ABHD18: variants seen among roughly 807,000 people sequenced by gnomAD.
The protein encoded by ABHD18 is cardiolipin-specific deacylase, mitochondrial.
In ABHD18, 55 loss-of-function variants were observed where a neutral mutation model predicts 65.9. The observed-to-expected ratio is 0.84, with a 90% CI of 0.67 to 1.05. The LOEUF (loss-of-function observed/expected upper bound fraction) is 1.05. Ranked by LOEUF, ABHD18 falls within the 50% of genes least tolerant of loss-of-function variation. The probability of loss-of-function intolerance (pLI) is 0.00; values close to 1 mark genes in which losing one functional copy is unlikely to be tolerated. For missense variants in ABHD18, 533 were observed against 558.5 expected (o/e 0.95, Z 0.46); for synonymous variants, 181 against 180.2 (o/e 1.00, Z -0.04).
chr4:128,010,049 CATGTT>C (rs1413227010), intron 6 of ABHD18, among the ~76,000 whole-genome samples: 4 of 152,154 alleles, frequency 2.6e-5, no homozygotes, highest in African/African-American at 9.7e-5. Flanking sequence ...TGACCTTGGA[CATGTT>C]ACATAACCTT....
At chr4:127,968,064 C>T (rs1746029457) in intron 1 of ABHD18, among the ~76,000 whole-genome samples, 1 of 152,120 alleles carries the variant, frequency 6.6e-6, no homozygotes, top group South Asian at 2.1e-4. Flanking sequence ...AAAAAAGTAG[C>T]CGGGCGTGGT....
Position 128,028,455 on chromosome 4 carries a change from C to T in ABHD18, c.802-20C>T. ...CCTATTTTATATTAAATAATGTTTT[C>T]TTTCCTTTCATATGTTCAGACAGAT... On this transcript the variant is annotated intron_variant, in intron 10 of 12. Transcript: ENST00000645843. 7 of 1,425,030 alleles carry T rather than the reference C, an allele frequency of 4.9e-6. No individual in the cohort carries two copies. The highest frequency in any genetic ancestry group is 3.4e-5 in the South Asian group (2 of 58,948). 88.3% of individuals were successfully genotyped at this position (1,425,030 alleles called of 1,614,324 possible).
At chr4:128,019,033 A>T (rs1259308640) in intron 8 of ABHD18, among the ~76,000 whole-genome samples, 1 of 151,180 alleles carries the variant, frequency 6.6e-6, no homozygotes, top group African/African-American at 2.4e-5. Flanking sequence ...AAAAAAAAAA[A>T]TTCAAAACAA....
intron 4 of ABHD18, among the ~76,000 whole-genome samples, chr4:127,992,715 G>GT (rs548952189): frequency 1.2e-3 from 181 of 151,584 alleles, no homozygotes; most frequent in Non-Finnish European, 1.7e-3. Context: ...ATTTTTTTTA[G>GT]TTTTTTTTGT....
At chr4:128,020,230 G>T in intron 9 of ABHD18, 61 bp downstream of exon 9, 1 of 1,384,662 alleles carries the variant, frequency 7.2e-7, no homozygotes, top group South Asian at 1.2e-5. Context: ...TGTTTTGGGG[G>T]GGTCCCCAAA....
intron 7 of ABHD18, among the ~76,000 whole-genome samples, chr4:128,014,644 C>A (rs1355575522): frequency 1.3e-5 from 2 of 152,130 alleles, no homozygotes; most frequent in Non-Finnish European, 2.9e-5. Flanking sequence ...AAATGGCTTA[C>A]TGACTGGGTG....
intron 9 of ABHD18, among the ~76,000 whole-genome samples, chr4:128,020,926 T>C (rs1363406373): frequency 6.6e-6 from 1 of 151,088 alleles, no homozygotes; most frequent in African/African-American, 2.4e-5. Flanking sequence ...CTCAGCTACT[T>C]GGGAGGCGGA....
chr4:127,976,958 G>A (rs1371908162), intron 1 of ABHD18, among the ~76,000 whole-genome samples: 1 of 151,456 alleles, frequency 6.6e-6, no homozygotes, highest in Non-Finnish European at 1.5e-5. Flanking sequence ...GGAGAATGGC[G>A]TGAACCCGGG....
intron 12 of ABHD18, among the ~76,000 whole-genome samples, chr4:128,031,860 G>A (rs368833044): frequency 1.3e-4 from 20 of 152,298 alleles, no homozygotes; most frequent in Middle Eastern, 3.4e-3. Flanking sequence ...CCCTATTGGT[G>A]AGTGAGCAGA....
At chr4:128,000,031 G>A (rs1752405804) in intron 4 of ABHD18, among the ~76,000 whole-genome samples, 1 of 152,160 alleles carries the variant, frequency 6.6e-6, no homozygotes, top group Non-Finnish European at 1.5e-5. Context: ...AGCCTGTGCA[G>A]GGAAACTCCC....
At chr4:127,985,545 CTTCT>C (rs1248317057) in intron 3 of ABHD18, among the ~76,000 whole-genome samples, 8 of 151,854 alleles carry the variant, frequency 5.3e-5, no homozygotes, top group Non-Finnish European at 1.0e-4. Context: ...ATATTTTTAT[CTTCT>C]TTATTTTTTT....
At chr4:127,985,060 A>G (rs1579195435) in intron 3 of ABHD18, among the ~76,000 whole-genome samples, 3 of 152,178 alleles carry the variant, frequency 2.0e-5, no homozygotes, top group Admixed American at 2.0e-4. Context: ...AACAATAGTG[A>G]GTATTAAAGG....
At chr4:127,999,074 T>G (rs1035315136) in intron 4 of ABHD18, among the ~76,000 whole-genome samples, 1 of 150,892 alleles carries the variant, frequency 6.6e-6, no homozygotes, top group African/African-American at 2.4e-5. Context: ...ATATATATAT[T>G]TTTAAAAAAC....
intron 6 of ABHD18, among the ~76,000 whole-genome samples, 169 bp from the exon 7 acceptor site, chr4:128,011,504 G>A (rs1241883199): frequency 6.8e-6 from 1 of 147,884 alleles, no homozygotes; most frequent in Non-Finnish European, 1.5e-5. Context: ...TTAAAAAAAA[G>A]GAAAATAATT....
At chr4:128,003,043 T>C (rs368841329) in intron 4 of ABHD18, among the ~76,000 whole-genome samples, 1 of 152,286 alleles carries the variant, frequency 6.6e-6, no homozygotes, top group East Asian at 1.9e-4. Context: ...ATTCTTCTAG[T>C]CTTCACCTTC....
chr4:128,021,261 A>ACC, intron 10 of ABHD18, 23 bp downstream of exon 10: 1 of 1,355,370 alleles, frequency 7.4e-7, no homozygotes, highest in Non-Finnish European at 1.0e-6. Flanking sequence ...CTTTCCACCC[A>ACC]ACATTGGTGG....
intron 4 of ABHD18, among the ~76,000 whole-genome samples, chr4:128,006,892 C>T (rs183742419): frequency 2.0e-5 from 3 of 152,204 alleles, no homozygotes; most frequent in African/African-American, 7.2e-5. Context: ...CAAGACCATT[C>T]GGGGCAACAT....
chr4:128,017,472 G>A lies in ABHD18; in HGVS notation c.580G>A (p.Gly194Arg), dbSNP rs772658667. 5 of 1,613,118 alleles carry A rather than the reference G, an allele frequency of 3.1e-6. No individual in the cohort carries two copies. The highest frequency in any genetic ancestry group is 2.7e-5 in the African/African-American group (2 of 74,878). ...WLEREGYGPLGMTGISMGGHM... is the reference protein window; with the variant it reads ...WLEREGYGPLRMTGISMGGHM... ...AGAGAGGGAAGGTTACGGCCCTTTAGGAATGACTGGAATATCCATGGGAGG... is the reference window on the plus strand; with the variant it reads ...AGAGAGGGAAGGTTACGGCCCTTTAAGAATGACTGGAATATCCATGGGAGG... Residue 194 changes from glycine (G) to arginine (R), a missense_variant, in exon 8 of 13, where the codon GGA becomes AGA. Physicochemically the swap from Gly to Arg is moderately radical, Grantham distance 125. Coordinates refer to ENST00000645843, the MANE Select transcript of ABHD18 (RefSeq NM_001358451.3).
At chr4:128,000,496 T>C (rs549143327) in intron 4 of ABHD18, among the ~76,000 whole-genome samples, 7 of 152,336 alleles carry the variant, frequency 4.6e-5, no homozygotes, top group African/African-American at 1.7e-4. Context: ...TCTGTTTTTA[T>C]ACCAGCATAC....
Sources: gnomAD v4.1 joint callset for allele counts (sites outside exome capture counted in the v4.1 genomes callset) on GRCh38, gnomAD v4.1.1 for gene constraint, MANE v1.5 for transcripts, NCBI Gene and HGNC (gene_info 2026-07-23, HGNC 2026-07-21) for gene names.